STRN3: variants seen among roughly 807,000 people sequenced by gnomAD.
STRN3 encodes the protein striatin-3.
A neutral mutation model predicts 95.6 loss-of-function variants in STRN3; 29 were observed. The ratio of observed to expected loss-of-function variants is 0.30; its 90% confidence interval spans 0.23 to 0.41. STRN3 has a LOEUF of 0.41. Among genes scored for constraint, STRN3 ranks in the 10% least tolerant of loss-of-function variants. The pLI is 1.00. For synonymous variants in STRN3, 331 were observed against 357.6 expected, an observed-to-expected ratio of 0.93 and a Z score of 0.84; for missense variants, 890 against 972.1, an observed-to-expected ratio of 0.92 and a Z score of 1.12.
intron 3 of STRN3, among the ~76,000 whole-genome samples, chr14:30,952,200 C>G (rs561808456): frequency 6.6e-6 from 1 of 151,968 alleles, no homozygotes; most frequent in South Asian, 2.1e-4. Context: ...AAATTTAAAA[C>G]TATTGACATT....
intron 1 of STRN3, among the ~76,000 whole-genome samples, chr14:30,990,228 T>C (rs1357191845): frequency 6.6e-6 from 1 of 150,802 alleles, no homozygotes; most frequent in Non-Finnish European, 1.5e-5. Context: ...AGTGGCGCAA[T>C]CTCGGCTCAC....
chr14:30,901,167 G>A (rs1227564264), intron 16 of STRN3, among the ~76,000 whole-genome samples: 1 of 152,034 alleles, frequency 6.6e-6, no homozygotes, highest in African/African-American at 2.4e-5. Flanking sequence ...CTGGCCAGGA[G>A]CAGTGGCTCA....
chr14:31,022,638 C>T (rs925566002), intron 1 of STRN3, among the ~76,000 whole-genome samples: 3 of 151,310 alleles, frequency 2.0e-5, no homozygotes, highest in East Asian at 1.9e-4. Context: ...TGAAGAATTA[C>T]AAGTCAGATT....
At chr14:30,957,779 G>A (rs1341164269) in intron 1 of STRN3, among the ~76,000 whole-genome samples, 1 of 151,858 alleles carries the variant, frequency 6.6e-6, no homozygotes, top group Admixed American at 6.6e-5. Flanking sequence ...CATCTGTCTG[G>A]GGACATTTGC....
Position 30,906,994 on chromosome 14 carries a change from C to A in STRN3, c.1771G>T (p.Gly591Cys), listed in dbSNP as rs1449426424. 6.2e-7 allele frequency: 1 copy of A among 1,613,712 alleles called. No individual in the cohort carries two copies. The highest frequency in any genetic ancestry group is 8.5e-7 in the Non-Finnish European group (1 of 1,179,836). ...TTTTTTATGCCACTATAAGCAAGAC[C>A]CCAAACTGCATCTGTATGACCAACT... ...TLVGHTDAVW[G>C]LAYSGIKNQL... Residue 591 changes from glycine (G) to cysteine (C), a missense_variant, in exon 14 of 18, where the codon GGT (glycine) becomes TGT (cysteine). Gly to Cys is a radical substitution (Grantham distance 159). Coordinates refer to ENST00000357479, the MANE Select transcript of STRN3 (RefSeq NM_001083893.2).
rs528157875 is a variant in STRN3 at position 30,894,949 on chromosome 14, C to A, written c.*462G>T. 2.8e-6 allele frequency: 3 copies of A among 1,073,566 alleles called. No homozygotes were observed. The highest frequency in any genetic ancestry group is 1.5e-4 in the East Asian group (2 of 13,064). The allele number at this position is 1,073,566 out of a possible 1,614,324, so 66.5% of individuals were successfully genotyped here. A position where few individuals can be genotyped will look rare whatever the true frequency, so the allele number is the denominator to read the frequency against. On this transcript the variant is annotated 3_prime_UTR_variant, in exon 18 of 18. Transcript: ENST00000357479. ...TAAAAGGGAATCTGTGGCATTCAAC[C>A]GATAAACAGAAGATCACTAAGAGAT...
chr14:31,014,857 G>C (rs1883167105), intron 1 of STRN3: 1 of 394,962 alleles, frequency 2.5e-6, no homozygotes, highest in Non-Finnish European at 4.8e-6. Flanking sequence ...TGCCCAGGCT[G>C]CAGTCTGTCA....
intron 1 of STRN3, among the ~76,000 whole-genome samples, chr14:31,000,256 CG>C (rs956289110): frequency 1.9e-4 from 4 of 21,240 alleles, no homozygotes; most frequent in Non-Finnish European, 3.3e-4. Flanking sequence ...TTCTGGGGGG[CG>C]GGGGGGAGTC....
chr14:30,946,505 G>C (rs1343569123), intron 5 of STRN3, among the ~76,000 whole-genome samples: 1 of 152,056 alleles, frequency 6.6e-6, no homozygotes, highest in Non-Finnish European at 1.5e-5. Context: ...CAGCACACCA[G>C]TGCACTCCAG....
intron 8 of STRN3, among the ~76,000 whole-genome samples, chr14:30,924,662 C>T (rs544509408): frequency 9.2e-5 from 14 of 151,976 alleles, no homozygotes; most frequent in South Asian, 2.1e-4. Flanking sequence ...GTTTGAGATC[C>T]GCCTGGGCAA....
intron 1 of STRN3, among the ~76,000 whole-genome samples, chr14:30,982,553 G>C (rs771179677): frequency 3.7e-4 from 56 of 152,148 alleles, no homozygotes; most frequent in Non-Finnish European, 7.1e-4. Context: ...CAAGTGATCT[G>C]CCCGTCTCGG....
intron 9 of STRN3, 129 bp downstream of exon 9, chr14:30,918,837 C>A: frequency 1.0e-6 from 1 of 958,542 alleles, no homozygotes. Flanking sequence ...AGAGCTTGCC[C>A]AACACCTTCT....
chr14:31,025,881 G>A, intron 1 of STRN3, 23 bp downstream of exon 1: 1 of 1,590,794 alleles, frequency 6.3e-7, no homozygotes. Flanking sequence ...CGCAGCTCCC[G>A]CACACCGACC....
chr14:30,941,290 C>T (rs1879081360), intron 5 of STRN3, among the ~76,000 whole-genome samples: 1 of 152,194 alleles, frequency 6.6e-6, no homozygotes, highest in Admixed American at 6.5e-5. Flanking sequence ...GACACAGGCC[C>T]AGCCATTTCA....
chr14:30,952,033 G>A (rs1171237984), intron 3 of STRN3, among the ~76,000 whole-genome samples: 1 of 151,952 alleles, frequency 6.6e-6, no homozygotes. Flanking sequence ...CAAAAGGATC[G>A]CTTGAACCCA....
intron 5 of STRN3, among the ~76,000 whole-genome samples, chr14:30,944,468 T>C (rs1431893768): frequency 9.4e-5 from 14 of 148,672 alleles, no homozygotes; most frequent in South Asian, 2.1e-4. Context: ...CATATGTATA[T>C]GTGTATATAT....
chr14:30,909,024 T>C (rs1055489704), intron 13 of STRN3, among the ~76,000 whole-genome samples: 2 of 152,216 alleles, frequency 1.3e-5, no homozygotes, highest in East Asian at 1.9e-4. Context: ...TTTCAATAAA[T>C]GCTCCCATCA....
At chr14:31,023,271 G>A (rs1883591036) in intron 1 of STRN3, among the ~76,000 whole-genome samples, 1 of 152,146 alleles carries the variant, frequency 6.6e-6, no homozygotes, top group Non-Finnish European at 1.5e-5. Context: ...TTATATAAAA[G>A]TTAAGAAACC....
intron 6 of STRN3, among the ~76,000 whole-genome samples, chr14:30,935,976 C>G (rs1156590662): frequency 6.6e-6 from 1 of 152,208 alleles, no homozygotes; most frequent in Non-Finnish European, 1.5e-5. Context: ...AATGGACGAT[C>G]AACTCTACTT....
Sources: allele counts gnomAD v4.1 joint callset (sites outside exome capture counted in the v4.1 genomes callset), GRCh38; gene constraint gnomAD v4.1.1; transcripts MANE v1.5; gene names NCBI Gene and HGNC (gene_info 2026-07-23, HGNC 2026-07-21).